Variants in ATP2B2 observed in about 807,000 individuals in gnomAD.
ATP2B2 encodes plasma membrane calcium-transporting ATPase 2.
Under a neutral mutation model 120.0 loss-of-function variants are expected in ATP2B2, and 15 were observed. The observed-to-expected ratio is 0.12, with a 90% CI of 0.08 to 0.19. ATP2B2 has a LOEUF of 0.19. ATP2B2 is among the 10% of genes least tolerant of loss of function. The probability of loss-of-function intolerance (pLI) is 1.00; values close to 1 mark genes in which losing one functional copy is unlikely to be tolerated. For missense variants in ATP2B2, 1,045 were observed against 1,719.8 expected (o/e 0.61, Z 6.94); for synonymous variants, 694 against 700.3 (o/e 0.99, Z 0.14).
At chr3:10,421,317 T>A (rs552403148) in intron 2 of ATP2B2, among the ~76,000 whole-genome samples, 4 of 152,278 alleles carry the variant, frequency 2.6e-5, no homozygotes, top group African/African-American at 9.6e-5. Flanking sequence ...GGTCGACTGT[T>A]CCTTTTCTTC....
chr3:10,638,195 A>G (rs1224940266), intron 1 of ATP2B2, among the ~76,000 whole-genome samples: 1 of 152,214 alleles, frequency 6.6e-6, no homozygotes, highest in Non-Finnish European at 1.5e-5. Context: ...CCTCATAAGA[A>G]AGGAAGAGTA....
intron 1 of ATP2B2, among the ~76,000 whole-genome samples, chr3:10,642,386 A>G (rs1352359432): frequency 6.6e-6 from 1 of 152,182 alleles, no homozygotes; most frequent in Non-Finnish European, 1.5e-5. Flanking sequence ...GGGGCTAGGC[A>G]CTGTATTGGG....
intron 2 of ATP2B2, among the ~76,000 whole-genome samples, chr3:10,560,710 T>C (rs1211453512): frequency 6.6e-6 from 1 of 152,162 alleles, no homozygotes; most frequent in Non-Finnish European, 1.5e-5. Context: ...CACCTGGGTC[T>C]CCAGGACTGC....
chr3:10,546,845 C>T (rs1388737938), intron 2 of ATP2B2, among the ~76,000 whole-genome samples: 1 of 152,112 alleles, frequency 6.6e-6, no homozygotes, highest in Non-Finnish European at 1.5e-5. Flanking sequence ...GGATTTGAGC[C>T]CAGGCGGTGG....
chr3:10,329,202 GT>G lies in ATP2B2; in HGVS notation c.3421-78del. ...CTCGGGGGGCTCACAGGAGGGGCGG[GT>G]GGGAGAAGGGTTAGGGCAAAGCAGG... On this transcript the variant is annotated intron_variant, in intron 22 of 22. Coordinates refer to ENST00000360273, the MANE Select transcript of ATP2B2 (RefSeq NM_001001331.4). This position sits in a 1 kb window ranked among gnomAD's most constrained non-coding sequence, Gnocchi z 5.9. The G allele has an allele frequency of 3.2e-6, 4 of 1,244,304 alleles. No homozygotes were observed. The highest frequency in any genetic ancestry group is 2.5e-5 in the East Asian group (1 of 39,914). The allele number at this position is 1,244,304 out of a possible 1,614,324, so 77.1% of individuals were successfully genotyped here.
At chr3:10,677,120 T>C (rs532398553) in intron 1 of ATP2B2, among the ~76,000 whole-genome samples, 6 of 152,364 alleles carry the variant, frequency 3.9e-5, no homozygotes, top group African/African-American at 1.2e-4. Flanking sequence ...CAGATGTTTA[T>C]AGCAGCTCTA....
chr3:10,562,975 T>C (rs780325635), intron 2 of ATP2B2, among the ~76,000 whole-genome samples: 17 of 152,256 alleles, frequency 1.1e-4, no homozygotes, highest in Non-Finnish European at 2.2e-4. Context: ...TGAATGAACC[T>C]TCTTATGGTT....
chr3:10,683,765 T>TGC (rs2071445950), intron 1 of ATP2B2, among the ~76,000 whole-genome samples: 1 of 38,754 alleles, frequency 2.6e-5, no homozygotes, highest in South Asian at 7.9e-4. Context: ...TGTGTGTATA[T>TGC]ATATATATAT....
chr3:10,629,190 C>T (rs1429475336), intron 1 of ATP2B2, among the ~76,000 whole-genome samples: 2 of 152,188 alleles, frequency 1.3e-5, no homozygotes, highest in African/African-American at 4.8e-5. Context: ...GCACAGACTG[C>T]AGAAGGCACC....
At position 10,347,138 on chromosome 3, in the gene ATP2B2, A is replaced by T. The variant is rs759713257; in HGVS notation, c.2405-1001T>A. Among the ~76,000 whole-genome samples the T allele has an allele frequency of 2.6e-5, 4 of 152,004 alleles. No individual in the cohort carries two copies. The highest frequency in any genetic ancestry group is 5.9e-5 in the Non-Finnish European group (4 of 68,012). On this transcript the variant is annotated intron_variant, in intron 16 of 22. Transcript: ENST00000360273. This position sits in a 1 kb window ranked among gnomAD's most constrained non-coding sequence, Gnocchi z 5.2. ...TCCATGTTCTTAGCTCCACTTATGA[A>T]GTCCTCTGTGACCAGGCCTCACTCA...
At chr3:10,654,297 G>T (rs952171739) in intron 1 of ATP2B2, among the ~76,000 whole-genome samples, 1 of 152,116 alleles carries the variant, frequency 6.6e-6, no homozygotes, top group Non-Finnish European at 1.5e-5. Flanking sequence ...ACTAGACTGT[G>T]AGCTTCTCTA....
intron 1 of ATP2B2, among the ~76,000 whole-genome samples, chr3:10,470,447 T>C (rs974949953): frequency 6.6e-6 from 1 of 152,186 alleles, no homozygotes; most frequent in Non-Finnish European, 1.5e-5. Context: ...TGAGCCACAC[T>C]GTCCCCAGGG....
At chr3:10,348,133 C>T (rs145586483) in intron 16 of ATP2B2, among the ~76,000 whole-genome samples, 1 of 152,258 alleles carries the variant, frequency 6.6e-6, no homozygotes, top group Non-Finnish European at 1.5e-5. Context: ...GGCCTGCTCT[C>T]CCTCCTCGCT....
chr3:10,409,204 C>G (rs2062522265), intron 3 of ATP2B2, among the ~76,000 whole-genome samples: 1 of 152,202 alleles, frequency 6.6e-6, no homozygotes, highest in African/African-American at 2.4e-5. Context: ...TATAAAACTT[C>G]TTCAAAGAAG....
At chr3:10,623,909 C>A (rs1285713563) in intron 1 of ATP2B2, among the ~76,000 whole-genome samples, 1 of 152,204 alleles carries the variant, frequency 6.6e-6, no homozygotes, top group Non-Finnish European at 1.5e-5. Flanking sequence ...TCCAACTCCA[C>A]CCTCTACTCC....
intron 14 of ATP2B2, among the ~76,000 whole-genome samples, chr3:10,353,570 A>G (rs1161868076): frequency 6.6e-6 from 1 of 152,194 alleles, no homozygotes; most frequent in Admixed American, 6.5e-5. Context: ...GGAGAGGGGC[A>G]GAAGGTTCTG....
At chr3:10,453,815 A>G (rs1242878689) in intron 1 of ATP2B2, among the ~76,000 whole-genome samples, 2 of 152,128 alleles carry the variant, frequency 1.3e-5, no homozygotes, top group Non-Finnish European at 1.5e-5. Flanking sequence ...CTACTGTGAT[A>G]AGATGAAAAA....
At chr3:10,382,513 A>ATTTT (rs35821909) in intron 8 of ATP2B2, among the ~76,000 whole-genome samples, 11 of 141,310 alleles carry the variant, frequency 7.8e-5, no homozygotes, top group African/African-American at 2.4e-4. Flanking sequence ...TGACCGGCTA[A>ATTTT]TTTTTTTTTT....
At chr3:10,413,604 G>A (rs1314290611) in intron 2 of ATP2B2, among the ~76,000 whole-genome samples, 3 of 152,186 alleles carry the variant, frequency 2.0e-5, no homozygotes, top group African/African-American at 7.2e-5. Flanking sequence ...TCTGTGCTGG[G>A]CTGGCCATCT....
Sources: gnomAD v4.1 joint callset for allele counts (sites outside exome capture counted in the v4.1 genomes callset) on GRCh38, gnomAD v4.1.1 for gene constraint, Gnocchi (gnomAD v3.1) non-coding constraint, MANE v1.5 for transcripts, NCBI Gene and HGNC (gene_info 2026-07-23, HGNC 2026-07-21) for gene names.